The following PTPRM variants were observed in gnomAD, a reference collection of about 807,000 sequenced individuals.
The protein encoded by PTPRM is protein tyrosine phosphatase receptor type M.
In PTPRM, 47 loss-of-function variants were observed where a neutral mutation model predicts 186.7. That is an observed-to-expected ratio of 0.25 (90% CI 0.20 to 0.32). The LOEUF is 0.32. PTPRM is among the 10% of genes least tolerant of loss of function. The pLI, the probability that PTPRM is intolerant of heterozygous loss-of-function variation, is 1.00. For missense variants in PTPRM, 1,494 were observed against 1,865.0 expected (o/e 0.80, Z 3.66); for synonymous variants, 668 against 674.9 (o/e 0.99, Z 0.16).
At chr18:7,713,229 A>G (rs1047579284) in intron 1 of PTPRM, among the ~76,000 whole-genome samples, 13 of 152,206 alleles carry the variant, frequency 8.5e-5, no homozygotes, top group African/African-American at 2.9e-4. Context: ...CATTCTTAAG[A>G]AAAGAATTTT....
intron 1 of PTPRM, among the ~76,000 whole-genome samples, chr18:7,717,607 G>A (rs534884842): frequency 6.6e-6 from 1 of 152,346 alleles, no homozygotes; most frequent in East Asian, 1.9e-4. Context: ...GAGGGCAGCT[G>A]CCTCATGCGA....
At chr18:8,344,432 G>A (rs1473485197) in intron 23 of PTPRM, among the ~76,000 whole-genome samples, 2 of 82,458 alleles carry the variant, frequency 2.4e-5, no homozygotes, top group Non-Finnish European at 2.2e-5. Context: ...ATATATATAT[G>A]TGTGTGTGTG....
intron 1 of PTPRM, among the ~76,000 whole-genome samples, chr18:7,765,963 G>A (rs2041997744): frequency 6.6e-6 from 1 of 152,178 alleles, no homozygotes; most frequent in Non-Finnish European, 1.5e-5. Context: ...GTTAAAGGCA[G>A]AACAATTCAA....
intron 1 of PTPRM, among the ~76,000 whole-genome samples, chr18:7,602,105 G>T (rs8091609): frequency 0.018 from 2,666 of 152,248 alleles, 84 homozygotes; most frequent in African/African-American, 0.061. Context: ...TAGCAAGTCG[G>T]TGACAGAATC....
rs138259117 is a variant in PTPRM at position 8,394,954 on chromosome 18, G to C, written c.4344+343G>C. Among the ~76,000 whole-genome samples, 447 of 152,232 alleles carry C rather than the reference G, an allele frequency of 2.9e-3. 2 individuals are homozygous for C. Among genetic ancestry groups the C allele is most frequent in the African/African-American group, 0.01 (431 of 41,540 alleles). On this transcript the variant is annotated intron_variant, in intron 32 of 32. Coordinates refer to ENST00000580170, the MANE Select transcript of PTPRM (RefSeq NM_001105244.2). Reference sequence around the variant, plus strand: ...AATAATCATAGTACGTGAAATGCCAGATTTTCAAATTATATATTTTATAAA... The same window carrying C: ...AATAATCATAGTACGTGAAATGCCACATTTTCAAATTATATATTTTATAAA...
intron 7 of PTPRM, among the ~76,000 whole-genome samples, chr18:8,030,071 G>A (rs2085861694): frequency 6.6e-6 from 1 of 152,168 alleles, no homozygotes; most frequent in Admixed American, 6.5e-5. Context: ...TCTTTAAAAA[G>A]CGCACACAAG....
At chr18:7,771,256 G>A (rs1481761734) in intron 1 of PTPRM, among the ~76,000 whole-genome samples, 8 of 152,106 alleles carry the variant, frequency 5.3e-5, no homozygotes, top group Non-Finnish European at 7.3e-5. Flanking sequence ...TGTTTCCACT[G>A]GGGGACCTTC....
At chr18:7,603,096 T>G (rs975541199) in intron 1 of PTPRM, among the ~76,000 whole-genome samples, 1 of 151,430 alleles carries the variant, frequency 6.6e-6, no homozygotes, top group South Asian at 2.1e-4. Context: ...CCTGGCTAAT[T>G]TTTTTGTATT....
At chr18:7,642,072 A>G (rs898378374) in intron 1 of PTPRM, among the ~76,000 whole-genome samples, 3 of 152,184 alleles carry the variant, frequency 2.0e-5, no homozygotes, top group Non-Finnish European at 2.9e-5. Context: ...CTTGTCCCAA[A>G]TATTTCAGGA....
intron 1 of PTPRM, among the ~76,000 whole-genome samples, chr18:7,734,792 G>T (rs974839561): frequency 6.6e-6 from 1 of 152,138 alleles, no homozygotes; most frequent in Non-Finnish European, 1.5e-5. Context: ...ATTCTCCAAA[G>T]AATGAAGCTT....
intron 7 of PTPRM, among the ~76,000 whole-genome samples, chr18:7,965,422 C>T (rs377376948): frequency 7.2e-5 from 11 of 152,078 alleles, no homozygotes; most frequent in African/African-American, 1.7e-4. Flanking sequence ...GGCTGAGGTG[C>T]GCTGGGAGAC....
chr18:7,999,297 C>T (rs1441915599), intron 7 of PTPRM, among the ~76,000 whole-genome samples: 1 of 152,124 alleles, frequency 6.6e-6, no homozygotes, highest in Non-Finnish European at 1.5e-5. Context: ...GACAGTGGCA[C>T]TGGCTAGAAA....
intron 7 of PTPRM, among the ~76,000 whole-genome samples, chr18:8,001,330 T>C (rs1038094858): frequency 3.9e-5 from 6 of 152,202 alleles, no homozygotes; most frequent in Non-Finnish European, 8.8e-5. Context: ...GTGTCTTTGC[T>C]GACAGAATTG....
At chr18:8,156,112 A>G (rs1316538170) in intron 14 of PTPRM, among the ~76,000 whole-genome samples, 3 of 152,184 alleles carry the variant, frequency 2.0e-5, no homozygotes, top group African/African-American at 4.8e-5. Context: ...AGATAATTGA[A>G]TAGGGTTGAG....
intron 7 of PTPRM, among the ~76,000 whole-genome samples, chr18:8,011,342 A>G (rs2084516089): frequency 6.6e-6 from 1 of 151,938 alleles, no homozygotes; most frequent in South Asian, 2.1e-4. Context: ...GCAAGCAGGG[A>G]CTCTCTCCTG....
intron 13 of PTPRM, among the ~76,000 whole-genome samples, chr18:8,142,715 T>C (rs1254389987): frequency 1.3e-5 from 2 of 152,246 alleles, no homozygotes; most frequent in Non-Finnish European, 2.9e-5. Flanking sequence ...CCATTCGGAA[T>C]GACCTGTCAC....
chr18:8,065,418 C>T (rs1202145084), intron 7 of PTPRM, among the ~76,000 whole-genome samples: 1 of 152,142 alleles, frequency 6.6e-6, no homozygotes, highest in Non-Finnish European at 1.5e-5. Flanking sequence ...ATGAAAAATG[C>T]TGCAGGCATC....
chr18:8,201,089 A>G (rs543715285), intron 14 of PTPRM, among the ~76,000 whole-genome samples: 146 of 152,274 alleles, frequency 9.6e-4, no homozygotes, highest in African/African-American at 3.4e-3. Flanking sequence ...GCTGAGGCAG[A>G]CAGATCACCT....
At chr18:7,910,235 T>C (rs920956331) in intron 4 of PTPRM, among the ~76,000 whole-genome samples, 10 of 152,346 alleles carry the variant, frequency 6.6e-5, no homozygotes, top group Admixed American at 3.3e-4. Flanking sequence ...AAATTTAAAA[T>C]ATCTTCAACA....
Sources: allele counts gnomAD v4.1 joint callset (sites outside exome capture counted in the v4.1 genomes callset), GRCh38; gene constraint gnomAD v4.1.1; transcripts MANE v1.5; gene names NCBI Gene and HGNC (gene_info 2026-07-23, HGNC 2026-07-21).